Variants in ASIC4 observed in about 807,000 individuals in gnomAD.
ASIC4 encodes the protein acid-sensing ion channel 4.
Under a neutral mutation model 53.4 loss-of-function variants are expected in ASIC4, and 28 were observed. The ratio of observed to expected loss-of-function variants is 0.52; its 90% CI spans 0.39 to 0.72. ASIC4 has a LOEUF of 0.72. Ranked by LOEUF, ASIC4 falls within the 30% of genes least tolerant of loss-of-function variation. The pLI, the probability that ASIC4 is intolerant of heterozygous loss-of-function variation, is 0.00. For missense variants in ASIC4, 649 were observed against 729.7 expected (o/e 0.89, Z 1.27); for synonymous variants, 289 against 301.4 (o/e 0.96, Z 0.43).
chr2:219,515,844 G>C lies in ASIC4; in HGVS notation c.582+538G>C, dbSNP rs573955207. Among the ~76,000 whole-genome samples the C allele has an allele frequency of 2.0e-5, 3 of 152,270 alleles. No homozygotes were observed. In the East Asian group the frequency reaches 5.8e-4, roughly 29 times the overall value. ...CCGGTCTTCAGGACACTGGGTGCCA[G>C]TGTCTCTTCTGGATCTCTGTGTGTC... On this transcript the variant is annotated intron_variant, in intron 1 of 9. Coordinates refer to ENST00000358078, the MANE Select transcript of ASIC4 (RefSeq NM_018674.6).
In ASIC4 at chr2:219,537,958, T is replaced by C. The variant is rs11695248; in HGVS notation, c.1532T>C (p.Val511Ala). The C allele has an allele frequency of 0.54, 873,008 of 1,609,458 alleles. 240,426 individuals carry two copies. Among genetic ancestry groups the C allele is most frequent in the South Asian group, 0.74 (67,011 of 90,534 alleles). ...AGTCCCTGCCCGAGCCGGGGCCGAG[T>C]GGAGGGTGGGGGGGTCAGCAGTCTG... Reference protein sequence around the residue: ...EQSPCPSRGRVEGGGVSSLLP... With the variant: ...EQSPCPSRGRAEGGGVSSLLP... Residue 511 changes from valine to alanine, a missense_variant, in exon 10 of 10, where the codon GTG becomes GCG. By Grantham distance (64) the Val-to-Ala change is moderately conservative. Coordinates refer to ENST00000358078, the MANE Select transcript of ASIC4 (RefSeq NM_018674.6). This position sits in a 1 kb window ranked among gnomAD's most constrained non-coding sequence, Gnocchi z 4.9.
rs569003901 is a variant in ASIC4, at chr2:219,536,593, C to T, written c.1230-473C>T. Among the ~76,000 whole-genome samples the T allele has an allele frequency of 3.4e-5, 5 of 146,706 alleles. No individual in the cohort carries two copies. Among genetic ancestry groups the T allele is most frequent in the Admixed American group, 2.0e-4 (3 of 14,834 alleles). ...AATGGGGAGGCGTCCAGTGACAGGA[C>T]GTGGGGCGGTGGGGTGGTGTGGCGG... On this transcript the variant is annotated intron_variant, in intron 6 of 9. Transcript: ENST00000358078. The surrounding 1 kb of genome is among the most constrained non-coding windows in gnomAD (Gnocchi z 4.6).
chr2:219,531,327 C>T (rs961071537), intron 1 of ASIC4, among the ~76,000 whole-genome samples: 6 of 151,824 alleles, frequency 4.0e-5, no homozygotes, highest in Admixed American at 6.6e-5. Flanking sequence ...GATCGTGCCA[C>T]TGCACACCAG....
rs1302981335 is a variant in ASIC4, at chr2:219,532,451, G to A, written c.992G>A (p.Cys331Tyr). Residue 331 changes from cysteine to tyrosine, a missense_variant, in exon 4 of 10, where the codon TGC (cysteine) becomes TAC (tyrosine). Coordinates refer to ENST00000358078, the MANE Select transcript of ASIC4 (RefSeq NM_018674.6). ...RCEKEAVLQR[C>Y]HCRMVHMPGN... ...GAAAAGGAGGCCGTGCTTCAGCGCT[G>A]CCACTGCCGGATGGTGCACATGCCA... 2 of 1,613,344 alleles carry A rather than the reference G, an allele frequency of 1.2e-6. No homozygotes were observed. Among genetic ancestry groups the A allele is most frequent in the East Asian group, 2.2e-5 (1 of 44,880 alleles).
At chr2:219,533,368 C>T (rs574308120) in intron 5 of ASIC4, 23 of 260,710 alleles carry the variant, frequency 8.8e-5, no homozygotes, top group Non-Finnish European at 1.1e-4. Flanking sequence ...CATCGATTCG[C>T]GCATTCTCCA....
upstream of ASIC4, among the ~76,000 whole-genome samples, chr2:219,510,163 C>T (rs1177585809): frequency 6.6e-6 from 1 of 152,038 alleles, no homozygotes; most frequent in South Asian, 2.1e-4. This position sits in a 1 kb window ranked among gnomAD's most constrained non-coding sequence, Gnocchi z 5.2. Flanking sequence ...CTCCTTGGCC[C>T]TAGTGTCTTG....
upstream of ASIC4, among the ~76,000 whole-genome samples, chr2:219,509,560 C>G (rs1694673315): frequency 6.6e-6 from 1 of 152,160 alleles, no homozygotes; most frequent in South Asian, 2.1e-4. This position sits in a 1 kb window ranked among gnomAD's most constrained non-coding sequence, Gnocchi z 5.2. Context: ...CTGAGGCTCC[C>G]CTCTGCCGCC....
In ASIC4 at chr2:219,515,075, C is replaced by T; in HGVS notation, c.351C>T (p.Leu117=). The stretch of plus-strand genomic sequence containing the variant: ...TGGCGGGCTTCCCGGCTGTCACCCT[C>T]TGCAATATCAACCGCTTCCGGCATT... ...APVAGFPAVT[L]CNINRFRHSA... is the part of the protein sequence containing the mutation. The change falls in exon 1 of 10, where the codon CTC becomes CTT. Residue 117 remains leucine (L), a synonymous_variant. Coordinates refer to ENST00000358078, the MANE Select transcript of ASIC4 (RefSeq NM_018674.6). 6.2e-7 allele frequency: 1 copy of T among 1,613,850 alleles called. No individual in the cohort carries two copies. The highest frequency in any genetic ancestry group is 8.5e-7 in the Non-Finnish European group (1 of 1,180,014).
intron 1 of ASIC4, among the ~76,000 whole-genome samples, chr2:219,522,525 G>T (rs1447768478): frequency 6.6e-6 from 1 of 152,118 alleles, no homozygotes; most frequent in Non-Finnish European, 1.5e-5. Flanking sequence ...TCCCAGTAGG[G>T]GTTCCGTTTC....
upstream of ASIC4, among the ~76,000 whole-genome samples, chr2:219,511,992 G>T (rs1694707708): frequency 1.3e-5 from 2 of 151,984 alleles, no homozygotes; most frequent in African/African-American, 4.8e-5. This position sits in a 1 kb window ranked among gnomAD's most constrained non-coding sequence, Gnocchi z 5.3. Context: ...GGAGGGAAAG[G>T]TCAAGAGATG....
upstream of ASIC4, among the ~76,000 whole-genome samples, chr2:219,513,187 G>A (rs561068663): frequency 2.6e-5 from 4 of 151,170 alleles, no homozygotes; most frequent in East Asian, 2.0e-4. Flanking sequence ...CCCCCCGCCC[G>A]TCCACGCTTC....
upstream of ASIC4, among the ~76,000 whole-genome samples, chr2:219,509,253 G>A (rs1344322074): frequency 6.6e-6 from 1 of 152,062 alleles, no homozygotes; most frequent in African/African-American, 2.4e-5. The surrounding 1 kb of genome is among the most constrained non-coding windows in gnomAD (Gnocchi z 5.2). Flanking sequence ...GGCACAGCTG[G>A]GGCCCCACCA....
chr2:219,520,319 C>T (rs748743653), intron 1 of ASIC4, among the ~76,000 whole-genome samples: 18 of 152,154 alleles, frequency 1.2e-4, no homozygotes, highest in Admixed American at 2.0e-4. Flanking sequence ...CCTGCCCCAC[C>T]CAGCCGCCAG....
Position 219,537,135 on chromosome 2 carries a change from C to CTA in ASIC4, c.1301_1302dup (p.Gly435MetfsTer40). Reference sequence around the variant, plus strand: ...CTGAAGCCATGGAGCAGCGAGCAGCCTATGGCCTGTCAGCCCTGCTGGGTG... The same window carrying CTA: ...CTGAAGCCATGGAGCAGCGAGCAGCCTATATGGCCTGTCAGCCCTGCTGGGTG... On this transcript the variant is annotated frameshift_variant, in exon 7 of 10. Transcript: ENST00000358078. LOFTEE classifies it high-confidence loss of function. This position sits in a 1 kb window ranked among gnomAD's most constrained non-coding sequence, Gnocchi z 4.9. 1 of 1,614,118 alleles carries CTA rather than the reference C, an allele frequency of 6.2e-7. No individual in the cohort carries two copies. Among genetic ancestry groups the CTA allele is most frequent in the South Asian group, 1.1e-5 (1 of 91,082 alleles).
intron 1 of ASIC4, among the ~76,000 whole-genome samples, chr2:219,525,904 T>A (rs1311201771): frequency 6.6e-6 from 1 of 152,114 alleles, no homozygotes; most frequent in East Asian, 1.9e-4. Flanking sequence ...AGGGATACCA[T>A]GGAAGAATGT....
rs532100195 is a variant in ASIC4, at chr2:219,527,400, G to A, written c.583-4358G>A. 4.6e-5 allele frequency among the ~76,000 whole-genome samples: 7 copies of A among 152,358 alleles called. No individual in the cohort carries two copies. In the East Asian group the frequency reaches 1.3e-3, roughly 29 times the overall value. The stretch of plus-strand genomic sequence containing the variant: ...CTGCACAGCCACCTTGAGGGTTTGT[G>A]TGCCAAGGAACCACCACCCTCGCCA... On this transcript the variant is annotated intron_variant, in intron 1 of 9. Coordinates refer to ENST00000358078, the MANE Select transcript of ASIC4 (RefSeq NM_018674.6).
At position 219,536,593 on chromosome 2, in the gene ASIC4, C is replaced by CGTGGGGCG. The variant is rs1695140945; in HGVS notation, c.1230-466_1230-459dup. On this transcript the variant is annotated intron_variant, in intron 6 of 9. Transcript: ENST00000358078. The surrounding 1 kb of genome is among the most constrained non-coding windows in gnomAD (Gnocchi z 4.6). The stretch of plus-strand genomic sequence containing the variant: ...AATGGGGAGGCGTCCAGTGACAGGA[C>CGTGGGGCG]GTGGGGCGGTGGGGTGGTGTGGCGG... Among the ~76,000 whole-genome samples the CGTGGGGCG allele has an allele frequency of 6.8e-6, 1 of 146,578 alleles. No individual in the cohort carries two copies. The highest frequency in any genetic ancestry group is 1.5e-5 in the Non-Finnish European group (1 of 66,962).
Position 219,514,700 on chromosome 2 carries a change from G to A in ASIC4, c.-25G>A. 1 of 1,613,604 alleles carries A rather than the reference G, an allele frequency of 6.2e-7. No individual in the cohort carries two copies. Among genetic ancestry groups the A allele is most frequent in the Non-Finnish European group, 8.5e-7 (1 of 1,179,986 alleles). ...GGGAGGGACAGGGCAGGGAGGCTCTGGCCAGTCCCAGCAGCCGGGGACAGA... is the reference window on the plus strand; with the variant it reads ...GGGAGGGACAGGGCAGGGAGGCTCTAGCCAGTCCCAGCAGCCGGGGACAGA... On this transcript the variant is annotated 5_prime_UTR_variant, in exon 1 of 10. Transcript: ENST00000358078.
At chr2:219,534,918 C>CT (rs1485531724) in intron 5 of ASIC4, among the ~76,000 whole-genome samples, 1 of 151,558 alleles carries the variant, frequency 6.6e-6, no homozygotes, top group Non-Finnish European at 1.5e-5. Context: ...CCACGAGGAC[C>CT]CCCCCCCAGT....
Sources: gnomAD v4.1 joint callset for allele counts (sites outside exome capture counted in the v4.1 genomes callset) on GRCh38, gnomAD v4.1.1 for gene constraint, Gnocchi (gnomAD v3.1) non-coding constraint, MANE v1.5 for transcripts, NCBI Gene and HGNC (gene_info 2026-07-23, HGNC 2026-07-21) for gene names.